GLT1D1: variants seen among roughly 807,000 people sequenced by gnomAD.
GLT1D1 encodes the protein glycosyltransferase 1 domain-containing protein 1.
In GLT1D1, 21 loss-of-function variants were observed where a neutral mutation model predicts 28.7. The observed-to-expected ratio is 0.73, with a 90% CI of 0.52 to 1.05. The LOEUF is 1.05. Ranked by LOEUF, GLT1D1 falls within the 50% of genes least tolerant of loss-of-function variation. The pLI is 0.00. For missense variants in GLT1D1, 343 were observed against 330.6 expected, an observed-to-expected ratio of 1.04 and a Z score of -0.29; for synonymous variants, 147 against 124.8, an observed-to-expected ratio of 1.18 and a Z score of -1.19.
At chr12:128,886,683 T>G (rs1868423544) in intron 2 of GLT1D1, among the ~76,000 whole-genome samples, 1 of 151,990 alleles carries the variant, frequency 6.6e-6, no homozygotes, top group Admixed American at 6.6e-5. Flanking sequence ...CTTCCACTTG[T>G]AACGACCCCT....
chr12:128,912,147 A>G (rs1455616680), intron 4 of GLT1D1, among the ~76,000 whole-genome samples: 1 of 152,166 alleles, frequency 6.6e-6, no homozygotes, highest in Non-Finnish European at 1.5e-5. Context: ...AGCAAGTGTA[A>G]AATTGCAAAA....
chr12:128,945,295 A>G, intron 4 of GLT1D1, 31 bp from the exon 9 acceptor site: 1 of 1,613,040 alleles, frequency 6.2e-7, no homozygotes, highest in Non-Finnish European at 8.5e-7. Flanking sequence ...GCAGGCGGCG[A>G]CCGCTGACAT....
At chr12:128,926,656 T>G (rs1271127567) in intron 4 of GLT1D1, among the ~76,000 whole-genome samples, 2 of 152,206 alleles carry the variant, frequency 1.3e-5, no homozygotes, top group Admixed American at 1.3e-4. Flanking sequence ...CTGTTTAGTT[T>G]TCCACTGTCC....
intron 7 of GLT1D1, among the ~76,000 whole-genome samples, chr12:128,958,253 CCT>C (rs1339328475): frequency 6.6e-5 from 10 of 152,142 alleles, no homozygotes; most frequent in African/African-American, 2.4e-4. Flanking sequence ...CATCCGACGC[CCT>C]GAGTGCCTCC....
intron 4 of GLT1D1, among the ~76,000 whole-genome samples, chr12:128,907,682 G>T (rs1871029180): frequency 1.3e-5 from 2 of 152,188 alleles, no homozygotes; most frequent in South Asian, 2.1e-4. Context: ...TGTTCTTTAT[G>T]TCTGTGTGGG....
chr12:128,927,118 G>A (rs1873306744), intron 4 of GLT1D1: 1 of 1,535,758 alleles, frequency 6.5e-7, no homozygotes, highest in Non-Finnish European at 8.7e-7. Flanking sequence ...GGCATCAGGA[G>A]GAGCCCAATG....
chr12:128,898,095 G>A (rs1007742516), intron 3 of GLT1D1, among the ~76,000 whole-genome samples: 5 of 151,910 alleles, frequency 3.3e-5, no homozygotes, highest in African/African-American at 2.4e-5. Flanking sequence ...TTTGATATCT[G>A]TTAATACACA....
intron 4 of GLT1D1, among the ~76,000 whole-genome samples, chr12:128,932,693 C>A (rs938375089): frequency 1.3e-5 from 2 of 152,232 alleles, no homozygotes; most frequent in Non-Finnish European, 1.5e-5. Flanking sequence ...GCTGAAACCG[C>A]GGCTCCCACA....
At chr12:128,944,509 A>G in intron 4 of GLT1D1, 1 of 999,216 alleles carries the variant, frequency 1.0e-6, no homozygotes, top group Non-Finnish European at 1.6e-6. Flanking sequence ...ATCAATGCCC[A>G]CAGTTGTGGG....
chr12:128,967,674 G>T (rs1878587427), intron 7 of GLT1D1, among the ~76,000 whole-genome samples: 1 of 152,240 alleles, frequency 6.6e-6, no homozygotes, highest in African/African-American at 2.4e-5. Flanking sequence ...TGAGAACCCA[G>T]GGAGAAATTC....
intron 4 of GLT1D1, among the ~76,000 whole-genome samples, chr12:128,934,365 T>G (rs1050396710): frequency 6.6e-6 from 1 of 152,076 alleles, no homozygotes; most frequent in Admixed American, 6.6e-5. Context: ...GGCTAATATT[T>G]GTATTTTTAG....
chr12:128,942,788 C>T (rs1272323260), intron 4 of GLT1D1, among the ~76,000 whole-genome samples: 1 of 142,368 alleles, frequency 7.0e-6, no homozygotes, highest in African/African-American at 2.7e-5. Context: ...TCTCGCTCTG[C>T]CCCCCAGGCT....
rs190991987 is a variant in GLT1D1, at chr12:128,876,129, C to G, written c.217+67C>G. On this transcript the variant is annotated intron_variant, in intron 2 of 7. Coordinates refer to ENST00000281703, the MANE Select transcript of GLT1D1 (RefSeq NM_144669.3). ...GAAAACCGGAAGTGCCTGTAATGTC[C>G]AATAACACGGGAAACAGTGTCTCCT... is the stretch of plus-strand genomic sequence containing the variant. The G allele has an allele frequency of 9.2e-5, 126 of 1,375,078 alleles. No homozygotes were observed. The African/African-American group carries it at 1.4e-3, about 16-fold the overall frequency. 85.2% of individuals were successfully genotyped at this position (1,375,078 alleles called of 1,614,324 possible). A position where few individuals can be genotyped will look rare whatever the true frequency, so the allele number is the denominator to read the frequency against.
chr12:128,892,312 T>C (rs1869153140), intron 3 of GLT1D1, among the ~76,000 whole-genome samples: 1 of 152,116 alleles, frequency 6.6e-6, no homozygotes, highest in Non-Finnish European at 1.5e-5. Flanking sequence ...TGTGTGTGCG[T>C]GTGTGTGTTA....
rs111857547 is a variant in GLT1D1 at position 128,959,762 on chromosome 12, C to G, written c.639+2119C>G. ...GCTTTTTACCATATTCCATGTCTCT[C>G]AAAATCAACGCCAGCCAAGCTTCAG... On this transcript the variant is annotated intron_variant, in intron 7 of 7. Coordinates refer to ENST00000281703, the MANE Select transcript of GLT1D1 (RefSeq NM_144669.3). 6.2e-3 allele frequency among the ~76,000 whole-genome samples: 942 copies of G among 152,248 alleles called. 12 individuals are homozygous for G. The highest frequency in any genetic ancestry group is 0.022 in the African/African-American group (899 of 41,540).
At chr12:128,972,826 G>C (rs1020553057) in intron 7 of GLT1D1, among the ~76,000 whole-genome samples, 10 of 152,178 alleles carry the variant, frequency 6.6e-5, no homozygotes, top group Non-Finnish European at 1.5e-4. Context: ...CATGTATGGT[G>C]TATCACTTAG....
intron 7 of GLT1D1, among the ~76,000 whole-genome samples, chr12:128,974,272 C>T (rs368498978): frequency 1.4e-4 from 21 of 152,234 alleles, no homozygotes; most frequent in East Asian, 1.2e-3. Context: ...CTTGTTCACA[C>T]GGACATCTAC....
chr12:128,944,175 C>T (rs1434672035), intron 4 of GLT1D1: 1 of 390,874 alleles, frequency 2.6e-6, no homozygotes, highest in Non-Finnish European at 5.0e-6. Context: ...TCAAAGAATT[C>T]ATACATACTG....
At chr12:128,875,318 C>A (rs1187775799) in intron 1 of GLT1D1, among the ~76,000 whole-genome samples, 1 of 152,200 alleles carries the variant, frequency 6.6e-6, no homozygotes, top group Non-Finnish European at 1.5e-5. Context: ...TGTCTGAAGG[C>A]TGTCAGGGCC....
Sources: allele counts gnomAD v4.1 joint callset (sites outside exome capture counted in the v4.1 genomes callset), GRCh38; gene constraint gnomAD v4.1.1; transcripts MANE v1.5; gene names NCBI Gene and HGNC (gene_info 2026-07-23, HGNC 2026-07-21).